The following FEZ2 variants were observed in gnomAD, a reference collection of about 807,000 sequenced individuals.
FEZ2 encodes the protein fasciculation and elongation protein zeta-2.
A neutral mutation model predicts 40.4 loss-of-function variants in FEZ2; 51 were observed. That is an observed-to-expected ratio of 1.26 (90% CI 1.01 to 1.59). The LOEUF is 1.59. Ranked by LOEUF, FEZ2 falls within the 40% of genes most tolerant of loss-of-function variation. The pLI, the probability that FEZ2 is intolerant of heterozygous loss-of-function variation, is 0.00. For missense variants in FEZ2, 640 were observed against 438.3 expected (o/e 1.46, Z -4.11); for synonymous variants, 242 against 172.0 (o/e 1.41, Z -3.18).
At chr2:36,578,462 C>T (rs1267262807) in intron 5 of FEZ2, 135 bp downstream of exon 5, 1 of 933,938 alleles carries the variant, frequency 1.1e-6, no homozygotes, top group Non-Finnish European at 1.6e-6. Context: ...GGAATAAAAT[C>T]CCACTGGGCT....
chr2:36,553,065 G>T lies in FEZ2; in HGVS notation c.*98C>A. 1 of 962,640 alleles carries T rather than the reference G, an allele frequency of 1.0e-6. No homozygotes were observed. Among genetic ancestry groups the T allele is most frequent in the Non-Finnish European group, 1.6e-6 (1 of 621,174 alleles). The allele number at this position is 962,640 out of a possible 1,614,324, so 59.6% of individuals were successfully genotyped here. On this transcript the variant is annotated 3_prime_UTR_variant, in exon 8 of 8. Coordinates refer to ENST00000405912, the MANE Select transcript of FEZ2 (RefSeq NM_005102.3). ...CTGAATCAAACCCAAGTTCAAATGT[G>T]CTGAGTTTCCAATAGCAAGAAGGGT... is the stretch of plus-strand genomic sequence containing the variant.
chr2:36,554,165 C>T, intron 7 of FEZ2: 1 of 470,606 alleles, frequency 2.1e-6, no homozygotes, highest in Admixed American at 2.4e-5. Flanking sequence ...TAGAACTGGG[C>T]TTACAGACAG....
At chr2:36,597,398 T>A (rs1472065562) in intron 1 of FEZ2, among the ~76,000 whole-genome samples, 7 of 152,242 alleles carry the variant, frequency 4.6e-5, no homozygotes, top group Non-Finnish European at 8.8e-5. Flanking sequence ...TCCATACATG[T>A]ATTTGTTTAC....
intron 7 of FEZ2, among the ~76,000 whole-genome samples, chr2:36,554,563 A>T (rs936929070): frequency 3.3e-5 from 5 of 152,158 alleles, no homozygotes; most frequent in African/African-American, 1.2e-4. Flanking sequence ...TTAAAAAAAA[A>T]ATTTTTCAGA....
At chr2:36,582,312 G>C (rs1668773361) in intron 3 of FEZ2, among the ~76,000 whole-genome samples, 1 of 152,036 alleles carries the variant, frequency 6.6e-6, no homozygotes, top group African/African-American at 2.4e-5. Flanking sequence ...AAGCTTAACA[G>C]GTAAGATTTC....
intron 5 of FEZ2, among the ~76,000 whole-genome samples, chr2:36,565,235 T>A (rs529894463): frequency 1.3e-5 from 2 of 152,382 alleles, no homozygotes; most frequent in South Asian, 2.1e-4. Context: ...AACAGCCTCC[T>A]AATTAACTTA....
At position 36,552,930 on chromosome 2, in the gene FEZ2, A is replaced by G; in HGVS notation, c.*233T>C. ...TTACTCTCTCTTAATCTACTAAGAG[A>G]ACAGTTTATTAGTAGATTTAACAAA... On this transcript the variant is annotated 3_prime_UTR_variant, in exon 8 of 8. Transcript: ENST00000405912. 1.9e-6 allele frequency: 1 copy of G among 521,398 alleles called. No homozygotes were observed. The allele number at this position is 521,398 out of a possible 1,614,324, so 32.3% of individuals were successfully genotyped here.
At chr2:36,580,026 C>T (rs956358842) in intron 4 of FEZ2, among the ~76,000 whole-genome samples, 28 of 152,120 alleles carry the variant, frequency 1.8e-4, no homozygotes, top group African/African-American at 6.5e-4. Context: ...AAAAGGCAGC[C>T]ATCTGCATGT....
chr2:36,560,968 C>A, intron 5 of FEZ2: 2 of 609,836 alleles, frequency 3.3e-6, no homozygotes, highest in South Asian at 3.0e-5. Flanking sequence ...AAGAGGCAAG[C>A]AGTTAGAAAA....
At chr2:36,595,188 T>C (rs1206052162) in intron 1 of FEZ2, among the ~76,000 whole-genome samples, 1 of 151,952 alleles carries the variant, frequency 6.6e-6, no homozygotes, top group Admixed American at 6.6e-5. Flanking sequence ...GTGCCAAGGG[T>C]CGGGGAGGGC....
At position 36,553,190 on chromosome 2, in the gene FEZ2, AAG is replaced by A. The variant is rs761701448; in HGVS notation, c.1046-13_1046-12del. The A allele has an allele frequency of 7.7e-6, 12 of 1,549,904 alleles. No homozygotes were observed. Among genetic ancestry groups the A allele is most frequent in the Middle Eastern group, 1.7e-4 (1 of 5,994 alleles). On this transcript the variant is annotated splice_polypyrimidine_tract_variant and intron_variant, in intron 7 of 7. Transcript: ENST00000405912. ...ATGTAGGACACAGAACTAGAAGAAA[AAG>A]AGAACTTTTAGCTACAAATGTATAT...
chr2:36,573,524 T>C (rs543015789), intron 5 of FEZ2, among the ~76,000 whole-genome samples: 2 of 152,256 alleles, frequency 1.3e-5, no homozygotes, highest in East Asian at 3.8e-4. Context: ...TCCTCCGGGA[T>C]TCAATCTCCT....
At chr2:36,572,711 A>C (rs1668451473) in intron 5 of FEZ2, among the ~76,000 whole-genome samples, 1 of 152,190 alleles carries the variant, frequency 6.6e-6, no homozygotes, top group Non-Finnish European at 1.5e-5. Context: ...CCCTGGTTTA[A>C]ATCATCTGAG....
rs1417078294 is a variant in FEZ2 at position 36,597,892 on chromosome 2, A to T, written c.251T>A (p.Leu84His). ...TAVRPITERS[L>H]LQGDEIWNAL... Reference sequence around the variant, plus strand: ...CCGCACTCACTCGTCCCCCTGCAGGAGGCTGCGCTCCGTGATGGGCCGCAC... The same window carrying T: ...CCGCACTCACTCGTCCCCCTGCAGGTGGCTGCGCTCCGTGATGGGCCGCAC... The change falls in exon 1 of 8, where the codon CTC (leucine) becomes CAC (histidine). Residue 84 changes from leucine (L) to histidine (H), a missense_variant. By Grantham distance (99) the Leu-to-His change is moderately conservative (BLOSUM62 -3). Transcript: ENST00000405912. 2.9e-6 allele frequency: 4 copies of T among 1,389,002 alleles called. No homozygotes were observed. The highest frequency in any genetic ancestry group is 9.3e-7 in the Non-Finnish European group (1 of 1,078,808). 86.0% of individuals were successfully genotyped at this position (1,389,002 alleles called of 1,614,324 possible).
chr2:36,578,417 C>T (rs1668636887), intron 5 of FEZ2, among the ~76,000 whole-genome samples, 180 bp downstream of exon 5: 1 of 152,188 alleles, frequency 6.6e-6, no homozygotes, highest in Non-Finnish European at 1.5e-5. Flanking sequence ...GTCAAGAAAA[C>T]GACTTTCTGA....
At chr2:36,594,497 GA>G in intron 1 of FEZ2, 1 of 196,496 alleles carries the variant, frequency 5.1e-6, no homozygotes, top group Non-Finnish European at 1.0e-5. Context: ...GGAAAATGAG[GA>G]AGGAGCAAAA....
chr2:36,594,417 T>C (rs1397017161), intron 1 of FEZ2: 4 of 179,858 alleles, frequency 2.2e-5, no homozygotes, highest in African/African-American at 2.4e-5. Flanking sequence ...GACTTACAGT[T>C]CCACATGGCT....
intron 4 of FEZ2, among the ~76,000 whole-genome samples, chr2:36,580,855 G>C (rs913936272): frequency 1.3e-5 from 2 of 152,082 alleles, no homozygotes; most frequent in African/African-American, 4.8e-5. Flanking sequence ...TGCTGTCCTT[G>C]TAAGAGGAAA....
intron 2 of FEZ2, among the ~76,000 whole-genome samples, chr2:36,584,513 T>C (rs1224073980): frequency 6.6e-6 from 1 of 152,222 alleles, no homozygotes; most frequent in Non-Finnish European, 1.5e-5. Flanking sequence ...CTGTCTATCA[T>C]CTACCTATCT....
Sources: allele counts gnomAD v4.1 joint callset (sites outside exome capture counted in the v4.1 genomes callset), GRCh38; gene constraint gnomAD v4.1.1; transcripts MANE v1.5; gene names NCBI Gene and HGNC (gene_info 2026-07-23, HGNC 2026-07-21).